Variants in CECR2 observed in about 807,000 individuals in gnomAD.
The protein encoded by CECR2 is chromatin remodeling regulator CECR2.
A neutral mutation model predicts 154.5 loss-of-function variants in CECR2; 30 were observed. The ratio of observed to expected loss-of-function variants is 0.19; its 90% CI spans 0.15 to 0.26. The LOEUF (loss-of-function observed/expected upper bound fraction) is 0.26, where lower values mean the gene tolerates loss of function less well. CECR2 is among the 10% of genes least tolerant of loss of function. The pLI is 1.00. For missense variants in CECR2, 1,743 were observed against 1,829.3 expected, an observed-to-expected ratio of 0.95 and a Z score of 0.86; for synonymous variants, 725 against 683.7, an observed-to-expected ratio of 1.06 and a Z score of -0.94.
At chr22:17,537,330 G>A (rs1350233123) in intron 10 of CECR2, 98 bp downstream of exon 10, 4 of 1,392,478 alleles carry the variant, frequency 2.9e-6, no homozygotes, top group Admixed American at 1.8e-5. Flanking sequence ...CAGCCCTGTT[G>A]GGTAACATGG....
rs1051000558 is a variant in CECR2, at chr22:17,448,710, T to G, written c.127-28878T>G. 3.0e-4 allele frequency among the ~76,000 whole-genome samples: 45 copies of G among 152,310 alleles called. 1 individual carries two copies. Among genetic ancestry groups the G allele is most frequent in the Middle Eastern group, 3.4e-3 (1 of 294 alleles). On this transcript the variant is annotated intron_variant, in intron 1 of 18. Transcript: ENST00000262608. ...CAGCTTAAGTCTACGGTCTTTTGTG[T>G]TGATTCCTTATTGCCAAATCAGTCA...
chr22:17,393,649 C>T (rs2053763891), intron 1 of CECR2, among the ~76,000 whole-genome samples: 1 of 152,184 alleles, frequency 6.6e-6, no homozygotes. Context: ...TCCAGTTTCT[C>T]CACATCCTTG....
rs117731668 is a variant in CECR2 at position 17,542,552 on chromosome 22, C to T, written c.2409C>T (p.Arg803=). 408 of 1,614,030 alleles carry T rather than the reference C, an allele frequency of 2.5e-4. 3 individuals are homozygous for T. The East Asian group carries it at 8.8e-3, about 35-fold the overall frequency. ...HLGPGPSHQP[R]TLGHVMDSRV... ...GGCCAGGACCCTCTCACCAGCCTCG[C>T]ACTCTCGGTCACGTGATGGATTCCC... The change falls in exon 16 of 19, where the codon CGC becomes CGT. Residue 803 remains arginine, a synonymous_variant. Coordinates refer to ENST00000262608, the MANE Select transcript of CECR2 (RefSeq NM_001290047.2).
intron 1 of CECR2, among the ~76,000 whole-genome samples, chr22:17,422,006 C>T (rs1460417781): frequency 2.0e-5 from 3 of 150,752 alleles, no homozygotes; most frequent in African/African-American, 7.4e-5. Context: ...TGGGTTTTTT[C>T]TCATCACTTT....
chr22:17,361,948 G>C, intron 1 of CECR2, among the ~76,000 whole-genome samples: 1 of 152,132 alleles, frequency 6.6e-6, no homozygotes, highest in East Asian at 1.9e-4. Flanking sequence ...TAGAGAAAGA[G>C]GTGGAAGGGG....
chr22:17,381,692 G>A lies in CECR2; in HGVS notation c.126+11783G>A, dbSNP rs181528993. On this transcript the variant is annotated intron_variant, in intron 1 of 18. Coordinates refer to ENST00000262608, the MANE Select transcript of CECR2 (RefSeq NM_001290047.2). ...GCTGCCCTGGGGGAATTTGTCTGTC[G>A]AAAAGGGGCAGGGCAGCAGTGGTAT... is the stretch of plus-strand genomic sequence containing the variant. Among the ~76,000 whole-genome samples, 164 of 152,212 alleles carry A rather than the reference G, an allele frequency of 1.1e-3. 3 individuals carry two copies. The highest frequency in any genetic ancestry group is 3.7e-3 in the African/African-American group (155 of 41,542).
At chr22:17,466,141 A>G (rs2055028926) in intron 1 of CECR2, among the ~76,000 whole-genome samples, 1 of 151,502 alleles carries the variant, frequency 6.6e-6, no homozygotes, top group Admixed American at 6.6e-5. Context: ...TAGTAGAGAC[A>G]GGGTTTCGCT....
intron 1 of CECR2, among the ~76,000 whole-genome samples, chr22:17,438,416 G>A (rs1287364739): frequency 6.6e-6 from 1 of 152,182 alleles, no homozygotes; most frequent in Non-Finnish European, 1.5e-5. Context: ...TATAATGAGA[G>A]TAAATTGTCC....
At chr22:17,495,238 C>T (rs2055602318) in intron 2 of CECR2, among the ~76,000 whole-genome samples, 2 of 152,208 alleles carry the variant, frequency 1.3e-5, no homozygotes, top group African/African-American at 2.4e-5. Context: ...ATCTAACAAA[C>T]AGCACATTAT....
chr22:17,444,282 G>A (rs1423666739), intron 1 of CECR2, among the ~76,000 whole-genome samples: 2 of 152,178 alleles, frequency 1.3e-5, no homozygotes, highest in East Asian at 3.8e-4. Flanking sequence ...AGCACCAGGT[G>A]ACATATGAAT....
intron 1 of CECR2, among the ~76,000 whole-genome samples, chr22:17,376,824 G>A (rs2063124298): frequency 6.6e-6 from 1 of 151,992 alleles, no homozygotes; most frequent in Admixed American, 6.6e-5. Context: ...TTTTAGGAGA[G>A]ATGGGGTTTC....
At chr22:17,370,721 C>T (rs2063049672) in intron 1 of CECR2, among the ~76,000 whole-genome samples, 1 of 152,162 alleles carries the variant, frequency 6.6e-6, no homozygotes, top group Non-Finnish European at 1.5e-5. Context: ...CCCGAGGGTC[C>T]TGGAGCGCGG....
At chr22:17,440,684 T>G (rs921743578) in intron 1 of CECR2, among the ~76,000 whole-genome samples, 1 of 152,180 alleles carries the variant, frequency 6.6e-6, no homozygotes, top group Non-Finnish European at 1.5e-5. Flanking sequence ...CAAAGTGATG[T>G]AAGAAAACAA....
intron 1 of CECR2, among the ~76,000 whole-genome samples, chr22:17,388,661 CAG>C (rs980618853): frequency 3.3e-5 from 5 of 152,266 alleles, no homozygotes; most frequent in Admixed American, 3.3e-4. Context: ...AACACTGAGT[CAG>C]GAGACATTTT....
At chr22:17,483,341 T>A (rs978659311) in intron 2 of CECR2, among the ~76,000 whole-genome samples, 1 of 152,118 alleles carries the variant, frequency 6.6e-6, no homozygotes, top group Non-Finnish European at 1.5e-5. Flanking sequence ...GAGAGGACGG[T>A]TTGAGGCCAG....
At chr22:17,551,565 C>G (rs1453078103) in intron 17 of CECR2, among the ~76,000 whole-genome samples, 2 of 152,090 alleles carry the variant, frequency 1.3e-5, no homozygotes, top group Non-Finnish European at 2.9e-5. Flanking sequence ...AATCCCAGCA[C>G]TTTCGGGGGC....
rs2056727798 is a variant in CECR2 at position 17,552,774 on chromosome 22, G to GTTTTTTTTTTGTTTTT, written c.4390-51_4390-50insGTTTTTTTTTTTTTTT. Reference sequence around the variant, plus strand: ...CTTGGACATTCTTTGGCTTACTTAAGTTTTTTTTTTTTTAACAACCCAATT... The same window carrying GTTTTTTTTTTGTTTTT: ...CTTGGACATTCTTTGGCTTACTTAAGTTTTTTTTTTGTTTTTTTTTTTTTTTTTTAACAACCCAATT... On this transcript the variant is annotated intron_variant, in intron 18 of 18. Transcript: ENST00000262608. 5.3e-6 allele frequency: 5 copies of GTTTTTTTTTTGTTTTT among 943,708 alleles called. No homozygotes were observed. In the East Asian group the frequency reaches 1.1e-4, roughly 21 times the overall value. The allele number at this position is 943,708 out of a possible 1,614,324, so 58.5% of individuals were successfully genotyped here. A position where few individuals can be genotyped will look rare whatever the true frequency, so the allele number is the denominator to read the frequency against.
chr22:17,477,496 C>A, intron 1 of CECR2, 92 bp from the exon 2 acceptor site: 1 of 839,774 alleles, frequency 1.2e-6, no homozygotes, highest in Non-Finnish European at 2.0e-6. Flanking sequence ...TGGGACCATT[C>A]AGTTCTTGGG....
chr22:17,504,928 G>A lies in CECR2; in HGVS notation c.782G>A (p.Arg261His), dbSNP rs760539949. ...EEWRQVTESF[R>H]ERTSLRERQL... ...TGGAGACAGGTCACCGAGAGTTTTC[G>A]CGAGAGGACCTCCCTTCGAGAACGG... is the stretch of plus-strand genomic sequence containing the variant. The change falls in exon 7 of 19, where the codon CGC (arginine) becomes CAC (histidine). Residue 261 changes from arginine (R) to histidine (H), a missense_variant. By Grantham distance (29) the Arg-to-His change is conservative. Around this residue, in one of 4 missense-constraint regions of CECR2, gnomAD observed 292 missense variants for 301.2 expected, o/e 0.97. Transcript: ENST00000262608. 2.3e-5 allele frequency: 37 copies of A among 1,613,566 alleles called. No homozygotes were observed. The highest frequency in any genetic ancestry group is 1.6e-4 in the African/African-American group (12 of 74,818).
Sources: gnomAD v4.1 joint callset for allele counts (sites outside exome capture counted in the v4.1 genomes callset) on GRCh38, gnomAD v4.1.1 for gene constraint, gnomAD v4.1.1 regional missense constraint, MANE v1.5 for transcripts, NCBI Gene and HGNC (gene_info 2026-07-23, HGNC 2026-07-21) for gene names.